NRG1: variants seen among roughly 807,000 people sequenced by gnomAD.
NRG1 encodes the protein neuregulin 1.
Under a neutral mutation model 63.8 loss-of-function variants are expected in NRG1, and 18 were observed. That is an observed-to-expected ratio of 0.28 (90% CI 0.19 to 0.42). The LOEUF (loss-of-function observed/expected upper bound fraction) is 0.42. Among genes scored for constraint, NRG1 ranks in the 10% least tolerant of loss-of-function variants. The pLI is 1.00. For synonymous variants in NRG1, 302 were observed against 301.3 expected, an observed-to-expected ratio of 1.00 and a Z score of -0.02; for missense variants, 762 against 814.7, an observed-to-expected ratio of 0.94 and a Z score of 0.79.
At chr8:31,748,695 A>G (rs1472807178) in intron 1 of NRG1, among the ~76,000 whole-genome samples, 2 of 151,894 alleles carry the variant, frequency 1.3e-5, no homozygotes, top group South Asian at 2.1e-4. Flanking sequence ...AAATTTTGTA[A>G]TAGGTTGAAG....
chr8:32,084,342 C>T (rs1047317705), intron 1 of NRG1, among the ~76,000 whole-genome samples: 3 of 152,066 alleles, frequency 2.0e-5, no homozygotes. Context: ...AGAACATAGT[C>T]ATTTAGTTTC....
At chr8:32,216,423 A>G (rs980428422) in intron 1 of NRG1, among the ~76,000 whole-genome samples, 2 of 148,658 alleles carry the variant, frequency 1.3e-5, no homozygotes, top group Admixed American at 1.3e-4. Context: ...TATATAATAT[A>G]GGTTATATTA....
chr8:32,406,190 A>G (rs191868541), intron 1 of NRG1, among the ~76,000 whole-genome samples: 1 of 152,304 alleles, frequency 6.6e-6, no homozygotes, highest in Admixed American at 6.5e-5. Context: ...CATCTTAAAT[A>G]TAATGACATA....
At chr8:32,198,645 T>A (rs1843198859) in intron 1 of NRG1, among the ~76,000 whole-genome samples, 1 of 152,230 alleles carries the variant, frequency 6.6e-6, no homozygotes. Flanking sequence ...GTGCACCTAC[T>A]TTCTTCCTGA....
chr8:32,648,303 C>T (rs201098616), intron 5 of NRG1: 71 of 1,613,934 alleles, frequency 4.4e-5, no homozygotes, highest in South Asian at 7.7e-5. Flanking sequence ...TTCACCCACC[C>T]GGAACCCTGA....
chr8:31,792,275 G>A (rs146911573), intron 1 of NRG1, among the ~76,000 whole-genome samples: 5 of 152,266 alleles, frequency 3.3e-5, no homozygotes, highest in East Asian at 1.9e-4. Flanking sequence ...ACAGTTTTAT[G>A]TTCAAACTAA....
chr8:31,917,682 G>A (rs948894409), intron 1 of NRG1, among the ~76,000 whole-genome samples: 3 of 149,204 alleles, frequency 2.0e-5, no homozygotes, highest in African/African-American at 5.0e-5. Context: ...TGGACTTGGC[G>A]ATGCAGACTC....
In NRG1 at chr8:32,705,536, C is replaced by T. The variant is rs147437127; in HGVS notation, c.503-22413C>T. On this transcript the variant is annotated intron_variant, in intron 5 of 11. Transcript: ENST00000356819. Reference sequence around the variant, plus strand: ...ACAAAAGTAGAAAATTTGTGAAGGACATTAGGTGTTTCTCCACTTTGAGAG... The same window carrying T: ...ACAAAAGTAGAAAATTTGTGAAGGATATTAGGTGTTTCTCCACTTTGAGAG... Among the ~76,000 whole-genome samples the T allele has an allele frequency of 6.1e-3, 931 of 152,316 alleles. 6 individuals carry two copies. Among genetic ancestry groups the T allele is most frequent in the Non-Finnish European group, 8.8e-3 (601 of 68,026 alleles).
At chr8:32,455,132 C>G (rs1014239085) in intron 1 of NRG1, among the ~76,000 whole-genome samples, 9 of 152,082 alleles carry the variant, frequency 5.9e-5, no homozygotes, top group African/African-American at 2.2e-4. Flanking sequence ...GAAGGTACCC[C>G]CATCGTTAAG....
intron 1 of NRG1, among the ~76,000 whole-genome samples, chr8:31,665,560 A>AT (rs1233393724): frequency 6.6e-6 from 1 of 152,200 alleles, no homozygotes; most frequent in African/African-American, 2.4e-5. Flanking sequence ...AAAAGGAATG[A>AT]TTTTGTAGAT....
chr8:31,811,133 G>A (rs183812024), intron 1 of NRG1, among the ~76,000 whole-genome samples: 1 of 152,270 alleles, frequency 6.6e-6, no homozygotes, highest in Non-Finnish European at 1.5e-5. Context: ...ATAAACAAGG[G>A]CATGAGAGAA....
At chr8:32,652,740 G>T (rs1339383173) in intron 5 of NRG1, among the ~76,000 whole-genome samples, 1 of 149,914 alleles carries the variant, frequency 6.7e-6, no homozygotes, top group East Asian at 2.0e-4. Context: ...CCTTCTTCTT[G>T]ATCTTTTCCT....
intron 1 of NRG1, among the ~76,000 whole-genome samples, chr8:32,181,269 C>G (rs973626698): frequency 4.6e-5 from 7 of 152,144 alleles, no homozygotes; most frequent in African/African-American, 1.7e-4. Flanking sequence ...AAATCAAATA[C>G]CCATCTCTTC....
intron 1 of NRG1, among the ~76,000 whole-genome samples, chr8:32,223,732 G>C (rs1297232584): frequency 6.6e-6 from 1 of 152,154 alleles, no homozygotes; most frequent in Non-Finnish European, 1.5e-5. Context: ...TGTAGATGCT[G>C]TAGGCCCCAA....
At chr8:32,393,064 A>T (rs1811982130) in intron 1 of NRG1, among the ~76,000 whole-genome samples, 1 of 152,170 alleles carries the variant, frequency 6.6e-6, no homozygotes, top group South Asian at 2.1e-4. Context: ...ATTTTCCCAG[A>T]CCATACACCT....
At chr8:31,722,536 C>T (rs1215271666) in intron 1 of NRG1, among the ~76,000 whole-genome samples, 4 of 152,062 alleles carry the variant, frequency 2.6e-5, no homozygotes, top group Non-Finnish European at 5.9e-5. Flanking sequence ...TTTTTTATTG[C>T]TTTAAGTGCT....
At chr8:32,131,274 G>T (rs80079040) in intron 1 of NRG1, among the ~76,000 whole-genome samples, 361 of 152,088 alleles carry the variant, frequency 2.4e-3, no homozygotes, top group African/African-American at 8.2e-3. Flanking sequence ...GAATATGTAA[G>T]TGAGGAATAA....
intron 6 of NRG1, among the ~76,000 whole-genome samples, chr8:32,735,431 A>G (rs986089605): frequency 6.6e-6 from 1 of 152,234 alleles, no homozygotes; most frequent in African/African-American, 2.4e-5. Context: ...AGGAAAACGA[A>G]TACACAATTT....
At chr8:32,603,336 G>A (rs1844690355) in intron 2 of NRG1, among the ~76,000 whole-genome samples, 1 of 152,172 alleles carries the variant, frequency 6.6e-6, no homozygotes, top group Non-Finnish European at 1.5e-5. Context: ...TCAAGATGCT[G>A]AGAAATCCTG....
Sources: gnomAD v4.1 joint callset for allele counts (sites outside exome capture counted in the v4.1 genomes callset) on GRCh38, gnomAD v4.1.1 for gene constraint, MANE v1.5 for transcripts, NCBI Gene and HGNC (gene_info 2026-07-23, HGNC 2026-07-21) for gene names.